LARP1B: variants seen among roughly 807,000 people sequenced by gnomAD.
LARP1B encodes the protein la-related protein 1B.
Under a neutral mutation model 114.2 loss-of-function variants are expected in LARP1B, and 76 were observed. The ratio of observed to expected loss-of-function variants is 0.67; its 90% CI spans 0.55 to 0.81. The LOEUF is 0.81. Among genes scored for constraint, LARP1B ranks in the 30% least tolerant of loss-of-function variants. The probability of loss-of-function intolerance (pLI) is 0.00; values close to 1 mark genes in which losing one functional copy is unlikely to be tolerated. For synonymous variants in LARP1B, 345 were observed against 348.0 expected, an observed-to-expected ratio of 0.99 and a Z score of 0.10; for missense variants, 1,014 against 1,075.8, an observed-to-expected ratio of 0.94 and a Z score of 0.80.
At chr4:128,063,570 A>C (rs1761240174) in intron 1 of LARP1B, among the ~76,000 whole-genome samples, 1 of 151,800 alleles carries the variant, frequency 6.6e-6, no homozygotes. Flanking sequence ...ACCTGAGGTC[A>C]GGAGTTCAAG....
downstream of LARP1B, among the ~76,000 whole-genome samples, chr4:128,216,448 C>CA (rs1235946462): frequency 2.7e-5 from 3 of 112,580 alleles, no homozygotes; most frequent in African/African-American, 9.6e-5. Context: ...AACTGTCTCT[C>CA]AGACCACAGT....
intron 11 of LARP1B, 169 bp downstream of exon 11, chr4:128,122,357 A>G: frequency 1.4e-6 from 2 of 1,456,456 alleles, no homozygotes; most frequent in Non-Finnish European, 1.8e-6. Flanking sequence ...CACCTGAGGA[A>G]TCGTTTTATT....
chr4:128,115,126 C>T (rs1017546085), intron 10 of LARP1B, among the ~76,000 whole-genome samples: 20 of 152,094 alleles, frequency 1.3e-4, no homozygotes, highest in African/African-American at 4.6e-4. Flanking sequence ...GTAGTAGAGA[C>T]GGGGTTTCAC....
At chr4:128,108,651 A>G (rs1289920876) in intron 9 of LARP1B, 2 of 984,908 alleles carry the variant, frequency 2.0e-6, no homozygotes, top group Non-Finnish European at 2.4e-6. Flanking sequence ...TATTTTAGCT[A>G]GTGGTTTTTA....
intron 1 of LARP1B, among the ~76,000 whole-genome samples, chr4:128,065,303 TTCTTTCTTTCTTTC>T (rs765339699): frequency 2.4e-4 from 28 of 114,710 alleles, no homozygotes; most frequent in African/African-American, 7.5e-4. Context: ...CTTTCTTTCT[TTCTTTCTTTCTTTC>T]TCTCTCTCTC....
At chr4:128,166,185 C>G (rs1740733280) in intron 12 of LARP1B, among the ~76,000 whole-genome samples, 1 of 152,016 alleles carries the variant, frequency 6.6e-6, no homozygotes, top group African/African-American at 2.4e-5. Flanking sequence ...TTCCACATCT[C>G]TAAATATTAC....
downstream of LARP1B, among the ~76,000 whole-genome samples, chr4:128,212,844 T>C (rs1273526960): frequency 6.6e-6 from 1 of 151,492 alleles, no homozygotes; most frequent in Admixed American, 6.6e-5. Flanking sequence ...CCCTACATCC[T>C]TATCAACACC....
chr4:128,076,514 A>G (rs1385582922), intron 3 of LARP1B, among the ~76,000 whole-genome samples: 2 of 152,118 alleles, frequency 1.3e-5, no homozygotes, highest in Non-Finnish European at 2.9e-5. Context: ...CCTATTGTTA[A>G]TGGACATTTG....
At chr4:128,122,567 A>G in intron 11 of LARP1B, 1 of 1,511,990 alleles carries the variant, frequency 6.6e-7, no homozygotes. Context: ...CTCATTGCTT[A>G]CCTGGCTCTC....
At chr4:128,094,537 G>C (rs899489120) in intron 7 of LARP1B, among the ~76,000 whole-genome samples, 16 of 151,070 alleles carry the variant, frequency 1.1e-4, no homozygotes, top group African/African-American at 3.9e-4. Flanking sequence ...CTCTCGAATA[G>C]CTGGGATTAG....
At chr4:128,114,883 G>C (rs1785254314) in intron 10 of LARP1B, 141 bp downstream of exon 10, 1 of 626,686 alleles carries the variant, frequency 1.6e-6, no homozygotes, top group Admixed American at 2.9e-5. Context: ...GCCTTCAGTA[G>C]ACACTTATGG....
chr4:128,180,525 C>T (rs1158871765), intron 15 of LARP1B, among the ~76,000 whole-genome samples: 1 of 152,186 alleles, frequency 6.6e-6, no homozygotes, highest in Admixed American at 6.5e-5. Context: ...TTCTTCTGCA[C>T]ACCTGTGGTA....
At chr4:128,196,884 A>C (rs1754341474) in intron 15 of LARP1B, among the ~76,000 whole-genome samples, 1 of 152,206 alleles carries the variant, frequency 6.6e-6, no homozygotes, top group African/African-American at 2.4e-5. Flanking sequence ...TGAAATTTTG[A>C]TTTATGCTGC....
rs577880360 is a variant in LARP1B at position 128,073,965 on chromosome 4, A to G, written c.-77-495A>G. Reference sequence around the variant, plus strand: ...TGTTTTTTTTTGTTTTTTGTGGTGGAGTTTTGCTCTTGTTGCCCAGGCTGG... The same window carrying G: ...TGTTTTTTTTTGTTTTTTGTGGTGGGGTTTTGCTCTTGTTGCCCAGGCTGG... On this transcript the variant is annotated intron_variant, in intron 1 of 19. Transcript: ENST00000326639. Among the ~76,000 whole-genome samples, 23 of 147,532 alleles carry G rather than the reference A, an allele frequency of 1.6e-4. No homozygotes were observed. The South Asian group carries it at 4.5e-3, about 29-fold the overall frequency.
intron 4 of LARP1B, among the ~76,000 whole-genome samples, chr4:128,079,648 C>T (rs1008738102): frequency 2.2e-4 from 33 of 151,982 alleles, no homozygotes; most frequent in African/African-American, 7.7e-4. Context: ...ACTGCAGCCT[C>T]GATGACCTGG....
chr4:128,157,778 A>G, intron 11 of LARP1B, among the ~76,000 whole-genome samples: 1 of 152,188 alleles, frequency 6.6e-6, no homozygotes, highest in East Asian at 1.9e-4. Context: ...TAAAGCTCTA[A>G]ATAAACCTGT....
At chr4:128,098,428 G>A in intron 8 of LARP1B, 98 bp downstream of exon 8, 6 of 965,500 alleles carry the variant, frequency 6.2e-6, no homozygotes, top group Non-Finnish European at 7.6e-6. Flanking sequence ...CAGACAATCT[G>A]TAGTTGCTTG....
At chr4:128,192,065 A>G (rs1415670181) in intron 15 of LARP1B, among the ~76,000 whole-genome samples, 1 of 152,070 alleles carries the variant, frequency 6.6e-6, no homozygotes, top group Admixed American at 6.6e-5. Flanking sequence ...TTTGTGCTAG[A>G]TATTTGTTTT....
chr4:128,221,044 A>C (rs1267372782), intron 7 of LARP1B, among the ~76,000 whole-genome samples: 1 of 152,232 alleles, frequency 6.6e-6, no homozygotes, highest in East Asian at 1.9e-4. Flanking sequence ...AAGTATTATA[A>C]ATCAAGATTG....
Sources: allele counts gnomAD v4.1 joint callset (sites outside exome capture counted in the v4.1 genomes callset), GRCh38; gene constraint gnomAD v4.1.1; transcripts MANE v1.5; gene names NCBI Gene and HGNC (gene_info 2026-07-23, HGNC 2026-07-21).